The following ATP2B2 variants were observed in gnomAD, a reference collection of about 807,000 sequenced individuals.
ATP2B2 encodes the protein ATPase plasma membrane Ca2+ transporting 2, also known as plasma membrane calcium-transporting ATPase 2.
A neutral mutation model predicts 120.0 loss-of-function variants in ATP2B2; 15 were observed. The ratio of observed to expected loss-of-function variants is 0.12; its 90% CI spans 0.08 to 0.19. ATP2B2 has a LOEUF of 0.19. Among genes scored for constraint, ATP2B2 ranks in the 10% least tolerant of loss-of-function variants. The probability of loss-of-function intolerance (pLI) is 1.00; values close to 1 mark genes in which losing one functional copy is unlikely to be tolerated. For missense variants in ATP2B2, 1,045 were observed against 1,719.8 expected (o/e 0.61, Z 6.94); for synonymous variants, 694 against 700.3 (o/e 0.99, Z 0.14).
chr3:10,328,549 AAGGG>A lies in ATP2B2; in HGVS notation c.*261_*264del. ...GGTCCATGTCTGGGTGGGAGCCAGG[AAGGG>A]CTTGTTTTGGGAAAACCGCTCACTC... On this transcript the variant is annotated 3_prime_UTR_variant, in exon 23 of 23. Transcript: ENST00000360273. 1 of 434,370 alleles carries A rather than the reference AAGGG, an allele frequency of 2.3e-6. No homozygotes were observed. Among genetic ancestry groups the A allele is most frequent in the African/African-American group, 2.0e-5 (1 of 49,936 alleles). The allele number at this position is 434,370 out of a possible 1,614,324, so 26.9% of individuals were successfully genotyped here. A position where few individuals can be genotyped will look rare whatever the true frequency, so the allele number is the denominator to read the frequency against.
intron 1 of ATP2B2, among the ~76,000 whole-genome samples, chr3:10,469,324 C>G (rs1175955222): frequency 2.0e-5 from 3 of 152,256 alleles, no homozygotes; most frequent in African/African-American, 7.2e-5. Flanking sequence ...CTTATTATCT[C>G]TATTTTATAG....
intron 2 of ATP2B2, among the ~76,000 whole-genome samples, chr3:10,579,708 G>A (rs553296009): frequency 6.6e-6 from 1 of 152,302 alleles, no homozygotes; most frequent in South Asian, 2.1e-4. Context: ...TACTTGGGAG[G>A]CTGAGGTAGG....
At chr3:10,439,008 G>A (rs542232328) in intron 2 of ATP2B2, among the ~76,000 whole-genome samples, 7 of 152,328 alleles carry the variant, frequency 4.6e-5, no homozygotes, top group East Asian at 1.9e-4. Flanking sequence ...GGGAGCCAGC[G>A]TGGGAGGGCC....
At chr3:10,410,556 C>T in intron 3 of ATP2B2, 62 bp downstream of exon 3, 1 of 1,519,682 alleles carries the variant, frequency 6.6e-7, no homozygotes, top group South Asian at 1.3e-5. Context: ...CGTGAGTGCC[C>T]CCCAGCGTGG....
chr3:10,603,438 A>T (rs2068977878), intron 2 of ATP2B2, among the ~76,000 whole-genome samples: 1 of 152,234 alleles, frequency 6.6e-6, no homozygotes, highest in Non-Finnish European at 1.5e-5. Context: ...AGAAGTAGTC[A>T]TTTATAATTT....
intron 1 of ATP2B2, among the ~76,000 whole-genome samples, chr3:10,461,795 A>G (rs919834802): frequency 1.3e-5 from 2 of 152,092 alleles, no homozygotes; most frequent in Non-Finnish European, 2.9e-5. Flanking sequence ...TTTGTGACTC[A>G]GTCTGTGGCT....
chr3:10,637,946 A>AT (rs1173275928), intron 1 of ATP2B2, among the ~76,000 whole-genome samples: 3 of 152,134 alleles, frequency 2.0e-5, no homozygotes, highest in Admixed American at 2.0e-4. Context: ...ATGATGACAG[A>AT]TTTTTTCACT....
At chr3:10,441,680 G>C (rs2063672001) in intron 2 of ATP2B2, among the ~76,000 whole-genome samples, 1 of 152,208 alleles carries the variant, frequency 6.6e-6, no homozygotes, top group Non-Finnish European at 1.5e-5. Flanking sequence ...GGAGAGATCT[G>C]GGTCTCTTCC....
intron 1 of ATP2B2, among the ~76,000 whole-genome samples, chr3:10,686,726 C>T (rs2071534146): frequency 6.6e-6 from 1 of 152,080 alleles, no homozygotes; most frequent in African/African-American, 2.4e-5. Context: ...TGTTGCCTTC[C>T]CACTAAATCC....
intron 5 of ATP2B2, among the ~76,000 whole-genome samples, chr3:10,391,241 C>T (rs2061840134): frequency 6.6e-6 from 1 of 152,196 alleles, no homozygotes; most frequent in African/African-American, 2.4e-5. Flanking sequence ...AGTCACTCTG[C>T]AGGTGAGGGG....
chr3:10,410,554 C>A, intron 3 of ATP2B2, 64 bp downstream of exon 3: 1 of 1,497,840 alleles, frequency 6.7e-7, no homozygotes, highest in Non-Finnish European at 9.0e-7. Context: ...GCCGTGAGTG[C>A]CCCCCAGCGT....
chr3:10,411,476 G>A (rs1379225479), intron 2 of ATP2B2, among the ~76,000 whole-genome samples: 1 of 152,154 alleles, frequency 6.6e-6, no homozygotes, highest in South Asian at 2.1e-4. Flanking sequence ...CCCTCCTTCC[G>A]CTCTCCCTCC....
chr3:10,702,072 T>A (rs967611286), intron 1 of ATP2B2, among the ~76,000 whole-genome samples: 1 of 152,112 alleles, frequency 6.6e-6, no homozygotes, highest in South Asian at 2.1e-4. Flanking sequence ...AAGTAGCTGA[T>A]AGCAACATCT....
At chr3:10,471,414 G>A (rs1478671975) in intron 1 of ATP2B2, among the ~76,000 whole-genome samples, 11 of 151,490 alleles carry the variant, frequency 7.3e-5, no homozygotes, top group South Asian at 4.2e-4. Flanking sequence ...GTGCGTGCAC[G>A]TGTGCGTGCG....
intron 3 of ATP2B2, among the ~76,000 whole-genome samples, chr3:10,530,937 G>A (rs925942655): frequency 7.2e-5 from 11 of 152,188 alleles, no homozygotes; most frequent in Non-Finnish European, 1.2e-4. Context: ...TTTAGTTGTC[G>A]TTCTGGCACA....
chr3:10,357,067 A>C (rs114618311), intron 14 of ATP2B2, among the ~76,000 whole-genome samples: 344 of 151,966 alleles, frequency 2.3e-3, no homozygotes, highest in African/African-American at 8.1e-3. Context: ...TTCCGCAAAC[A>C]CTCATTGAAC....
chr3:10,487,353 A>T (rs995457128), intron 1 of ATP2B2, among the ~76,000 whole-genome samples: 1 of 152,146 alleles, frequency 6.6e-6, no homozygotes, highest in Non-Finnish European at 1.5e-5. Context: ...ACCCCAAACA[A>T]GAAAGCCCTG....
chr3:10,446,447 T>G (rs1034174675), intron 2 of ATP2B2, among the ~76,000 whole-genome samples: 4 of 152,208 alleles, frequency 2.6e-5, no homozygotes, highest in African/African-American at 9.6e-5. Flanking sequence ...CTAAGCTACT[T>G]CATTTTGTCC....
At chr3:10,645,846 G>A (rs1217318811) in intron 1 of ATP2B2, among the ~76,000 whole-genome samples, 1 of 152,208 alleles carries the variant, frequency 6.6e-6, no homozygotes, top group Non-Finnish European at 1.5e-5. Context: ...GACCAGGAAA[G>A]CATCAAAGGG....
Sources: allele counts gnomAD v4.1 joint callset (sites outside exome capture counted in the v4.1 genomes callset), GRCh38; gene constraint gnomAD v4.1.1; transcripts MANE v1.5; gene names NCBI Gene and HGNC (gene_info 2026-07-23, HGNC 2026-07-21).